CSGALNACT2: variants seen among roughly 807,000 people sequenced by gnomAD.
The protein encoded by CSGALNACT2 is beta 4 GalNAcT-2.
CSGALNACT2 carries 35 observed loss-of-function variants against 55.3 expected under a neutral mutation model. That is an observed-to-expected ratio of 0.63 (90% CI 0.48 to 0.84). The LOEUF (loss-of-function observed/expected upper bound fraction) is 0.84, where lower values mean the gene tolerates loss of function less well. CSGALNACT2 is among the 40% of genes least tolerant of loss of function. The pLI is 0.00. For missense variants in CSGALNACT2, 544 were observed against 657.5 expected (o/e 0.83, Z 1.89); for synonymous variants, 196 against 224.9 (o/e 0.87, Z 1.15).
At chr10:43,154,513 C>G (rs955952042) in intron 1 of CSGALNACT2, among the ~76,000 whole-genome samples, 1 of 152,132 alleles carries the variant, frequency 6.6e-6, no homozygotes, top group Admixed American at 6.5e-5. Flanking sequence ...ACAGGCAGAT[C>G]ACCTGAGGTC....
rs374583498 is a variant in CSGALNACT2 at position 43,179,983 on chromosome 10, GA to G, written c.1337-3261del. Among the ~76,000 whole-genome samples the G allele has an allele frequency of 8.5e-5, 13 of 152,308 alleles. No individual in the cohort carries two copies. In the South Asian group the frequency reaches 2.1e-3, roughly 24 times the overall value. ...CTTATGGACTTCCTCTCCCCCGGGG[GA>G]AAAAATCCATGAGGTTTTGCCCTGA... On this transcript the variant is annotated intron_variant, in intron 7 of 7. Transcript: ENST00000374466.
intron 7 of CSGALNACT2, among the ~76,000 whole-genome samples, chr10:43,176,246 C>T (rs569123492): frequency 6.6e-6 from 1 of 152,116 alleles, no homozygotes; most frequent in Admixed American, 6.6e-5. Flanking sequence ...ATAATATTTA[C>T]TTGTTCCTTT....
At chr10:43,143,184 G>C (rs1838667906) in intron 1 of CSGALNACT2, among the ~76,000 whole-genome samples, 2 of 152,086 alleles carry the variant, frequency 1.3e-5, no homozygotes, top group Non-Finnish European at 2.9e-5. Context: ...GACAAACTGA[G>C]AAAAAATATT....
intron 2 of CSGALNACT2, among the ~76,000 whole-genome samples, chr10:43,158,477 C>A (rs943504362): frequency 6.6e-6 from 1 of 152,062 alleles, no homozygotes; most frequent in Non-Finnish European, 1.5e-5. Context: ...GAACAATTGT[C>A]ATTTGTAGTA....
Position 43,155,803 on chromosome 10 carries a change from C to T in CSGALNACT2, c.654C>T (p.Phe218=), listed in dbSNP as rs1158745491. The change falls in exon 2 of 8, where the codon TTC becomes TTT. Residue 218 remains phenylalanine, a synonymous_variant. Transcript: ENST00000374466. ...AACTGATATTTAATGAAAATGACTTCGTAGAAGGTAATGTGAAAAATATGT... is the reference window on the plus strand; with the variant it reads ...AACTGATATTTAATGAAAATGACTTTGTAGAAGGTAATGTGAAAAATATGT... ...GEKLIFNEND[F]VEGYYRTERD... 11 of 1,605,102 alleles carry T rather than the reference C, an allele frequency of 6.9e-6. No homozygotes were observed. The highest frequency in any genetic ancestry group is 1.7e-4 in the Middle Eastern group (1 of 6,024).
chr10:43,150,504 C>T (rs1234486050), intron 1 of CSGALNACT2, among the ~76,000 whole-genome samples: 2 of 152,172 alleles, frequency 1.3e-5, no homozygotes, highest in Non-Finnish European at 2.9e-5. Flanking sequence ...GAATTGTAGG[C>T]TGGCATATTT....
At chr10:43,176,895 TAA>T (rs1473745724) in intron 7 of CSGALNACT2, among the ~76,000 whole-genome samples, 3 of 152,188 alleles carry the variant, frequency 2.0e-5, no homozygotes, top group African/African-American at 7.2e-5. Context: ...CAGCAAAATA[TAA>T]AGTGTCAAAG....
intron 4 of CSGALNACT2, chr10:43,163,268 A>AT: frequency 5.3e-6 from 5 of 945,724 alleles, no homozygotes; most frequent in Non-Finnish European, 6.3e-6. Flanking sequence ...GCAAATATTT[A>AT]TTGAACTCCT....
intron 1 of CSGALNACT2, among the ~76,000 whole-genome samples, chr10:43,144,087 G>T (rs1165265762): frequency 6.6e-6 from 1 of 152,140 alleles, no homozygotes; most frequent in African/African-American, 2.4e-5. Flanking sequence ...TGTAAAAAAT[G>T]AACTCAAAAT....
At chr10:43,153,012 T>C (rs1032209472) in intron 1 of CSGALNACT2, among the ~76,000 whole-genome samples, 7 of 152,184 alleles carry the variant, frequency 4.6e-5, no homozygotes, top group Non-Finnish European at 1.0e-4. Flanking sequence ...TCTGTTTTTT[T>C]CTACATCACT....
intron 7 of CSGALNACT2, among the ~76,000 whole-genome samples, chr10:43,176,901 G>A (rs1839491158): frequency 6.6e-6 from 1 of 152,166 alleles, no homozygotes; most frequent in African/African-American, 2.4e-5. Flanking sequence ...AATATAAAGT[G>A]TCAAAGAATA....
intron 6 of CSGALNACT2, among the ~76,000 whole-genome samples, chr10:43,170,226 G>A (rs1223744774): frequency 6.6e-6 from 1 of 152,086 alleles, no homozygotes; most frequent in Non-Finnish European, 1.5e-5. Context: ...CAGCTGAGAG[G>A]GCCTAGAACC....
In CSGALNACT2 at chr10:43,184,717, A is replaced by G. The variant is rs1839661140; in HGVS notation, c.*1175A>G. The G allele has an allele frequency of 1.3e-5, 2 of 152,214 alleles. No individual in the cohort carries two copies. Among genetic ancestry groups the G allele is most frequent in the Non-Finnish European group, 2.9e-5 (2 of 68,034 alleles). The allele number at this position is 152,214 out of a possible 1,614,324, so 9.4% of individuals were successfully genotyped here. ...ATAAATTAATGAGACAAAGTGAAAA[A>G]GAAATTATATTCAGATAGGACTGCA... On this transcript the variant is annotated 3_prime_UTR_variant, in exon 8 of 8. Coordinates refer to ENST00000374466, the MANE Select transcript of CSGALNACT2 (RefSeq NM_018590.5).
At chr10:43,141,624 C>CAAAAAA (rs58889701) in intron 1 of CSGALNACT2, among the ~76,000 whole-genome samples, 1 of 68,902 alleles carries the variant, frequency 1.5e-5, no homozygotes, top group Non-Finnish European at 2.5e-5. Context: ...GAAACTGTCT[C>CAAAAAA]AAAAAAAAAA....
In CSGALNACT2 at chr10:43,155,494, A is replaced by G. The variant is rs41298783; in HGVS notation, c.345A>G (p.Gln115=). The change falls in exon 2 of 8, where the codon CAA becomes CAG. Residue 115 remains glutamine, a synonymous_variant. Coordinates refer to ENST00000374466, the MANE Select transcript of CSGALNACT2 (RefSeq NM_018590.5). Reference sequence around the variant, plus strand: ...TAGGCTATCAGAGCAACAAAGAGCAAGCACCTAGTGATCTTTTAGAGTTTC... The same window carrying G: ...TAGGCTATCAGAGCAACAAAGAGCAGGCACCTAGTGATCTTTTAGAGTTTC... The part of the protein sequence containing the change: ...NGIGYQSNKE[Q]APSDLLEFLH... 872 of 1,614,240 alleles carry G rather than the reference A, an allele frequency of 5.4e-4. 1 individual carries two copies. Among genetic ancestry groups the G allele is most frequent in the Middle Eastern group, 5.3e-3 (32 of 6,062 alleles).
At chr10:43,165,936 C>T (rs117324443) in intron 5 of CSGALNACT2, among the ~76,000 whole-genome samples, 5,026 of 151,884 alleles carry the variant, frequency 0.033, 105 homozygotes, top group Middle Eastern at 0.058. Context: ...GAGCTGAGAT[C>T]GCCAGCCTGG....
intron 1 of CSGALNACT2, among the ~76,000 whole-genome samples, chr10:43,143,372 T>C (rs546427361): frequency 6.6e-6 from 1 of 152,218 alleles, no homozygotes; most frequent in African/African-American, 2.4e-5. Flanking sequence ...CTGATAAACA[T>C]CCTATGTATG....
chr10:43,163,988 T>C lies in CSGALNACT2; in HGVS notation c.1103T>C (p.Val368Ala). 6.2e-7 allele frequency: 1 copy of C among 1,614,164 alleles called. No homozygotes were observed. Among genetic ancestry groups the C allele is most frequent in the East Asian group, 2.2e-5 (1 of 44,876 alleles). The stretch of plus-strand genomic sequence containing the variant: ...GAGGTCTTGATGTTTTTCTGTGATG[T>C]TGATATCTATTTCTCAGCCGAATTC... Reference protein sequence around the residue: ...KGEVLMFFCDVDIYFSAEFLN... With the variant: ...KGEVLMFFCDADIYFSAEFLN... The change falls in exon 5 of 8, where the codon GTT becomes GCT. Residue 368 changes from valine to alanine, a missense_variant. Physicochemically the swap from Val to Ala is moderately conservative, Grantham distance 64. Transcript: ENST00000374466.
intron 7 of CSGALNACT2, among the ~76,000 whole-genome samples, chr10:43,177,490 G>A (rs1347291485): frequency 6.6e-6 from 1 of 152,072 alleles, no homozygotes. Context: ...TGCCTCTTCT[G>A]GGAATTTAAT....
Sources: allele counts gnomAD v4.1 joint callset (sites outside exome capture counted in the v4.1 genomes callset), GRCh38; gene constraint gnomAD v4.1.1; transcripts MANE v1.5; gene names NCBI Gene and HGNC (gene_info 2026-07-23, HGNC 2026-07-21).